The following ASIC2 variants were observed in gnomAD, a reference collection of about 807,000 sequenced individuals.
ASIC2 encodes acid-sensing ion channel 2.
Under a neutral mutation model 57.3 loss-of-function variants are expected in ASIC2, and 25 were observed. The observed-to-expected ratio is 0.44, with a 90% CI of 0.32 to 0.61. ASIC2 has a LOEUF of 0.61. Ranked by LOEUF, ASIC2 falls within the 20% of genes least tolerant of loss-of-function variation. The probability of loss-of-function intolerance (pLI) is 0.06; values close to 1 mark genes in which losing one functional copy is unlikely to be tolerated. For missense variants in ASIC2, 641 were observed against 738.1 expected, an observed-to-expected ratio of 0.87 and a Z score of 1.52; for synonymous variants, 319 against 307.5, an observed-to-expected ratio of 1.04 and a Z score of -0.39.
At chr17:33,981,670 AGAAG>A (rs759908001) in intron 1 of ASIC2, among the ~76,000 whole-genome samples, 41 of 150,194 alleles carry the variant, frequency 2.7e-4, no homozygotes, top group Admixed American at 2.0e-4. Context: ...AGGAGAAGAA[AGAAG>A]GAAGGAAGGA....
rs145245984 is a variant in ASIC2 at position 33,104,135 on chromosome 17, G to T, written c.859+7782C>A. Among the ~76,000 whole-genome samples, 555 of 152,168 alleles carry T rather than the reference G, an allele frequency of 3.6e-3. 8 individuals carry two copies. Among genetic ancestry groups the T allele is most frequent in the African/African-American group, 0.013 (520 of 41,490 alleles). On this transcript the variant is annotated intron_variant, in intron 2 of 9. Transcript: ENST00000225823. ...TCTACTTTACATCTTCCAAAAATTG[G>T]CTGGCATCTATTTACGGTTGTCTTT... is the stretch of plus-strand genomic sequence containing the variant.
At chr17:33,290,301 G>C (rs1314489209) in intron 1 of ASIC2, among the ~76,000 whole-genome samples, 2 of 152,216 alleles carry the variant, frequency 1.3e-5, no homozygotes, top group African/African-American at 2.4e-5. Flanking sequence ...TCAGAAATGA[G>C]GATCTCAGGA....
At chr17:33,166,422 C>T (rs1214590015) in intron 1 of ASIC2, among the ~76,000 whole-genome samples, 1 of 152,196 alleles carries the variant, frequency 6.6e-6, no homozygotes, top group Non-Finnish European at 1.5e-5. Flanking sequence ...TTCCAAAGGA[C>T]AGTTGGGACC....
intron 1 of ASIC2, among the ~76,000 whole-genome samples, chr17:33,359,247 A>G (rs765288224): frequency 1.3e-5 from 2 of 152,202 alleles, no homozygotes; most frequent in Non-Finnish European, 2.9e-5. Flanking sequence ...AACACAAATT[A>G]ATCTCTGAGA....
chr17:33,895,149 T>C (rs996952224), intron 1 of ASIC2, among the ~76,000 whole-genome samples: 6 of 143,228 alleles, frequency 4.2e-5, no homozygotes, highest in East Asian at 2.2e-4. Context: ...GTGGCAAGCA[T>C]TGAAGTTTTT....
At chr17:33,184,845 A>C (rs1906126745) in intron 1 of ASIC2, among the ~76,000 whole-genome samples, 1 of 152,206 alleles carries the variant, frequency 6.6e-6, no homozygotes, top group African/African-American at 2.4e-5. Context: ...TCCAGAACTT[A>C]TCACCCCAGT....
At chr17:33,593,562 C>G (rs558602442) in intron 1 of ASIC2, among the ~76,000 whole-genome samples, 1 of 152,252 alleles carries the variant, frequency 6.6e-6, no homozygotes, top group South Asian at 2.1e-4. Flanking sequence ...CAGGTTTTCT[C>G]TCTGGGCCTT....
chr17:33,981,345 C>T (rs1030572825), intron 1 of ASIC2, among the ~76,000 whole-genome samples: 2 of 152,292 alleles, frequency 1.3e-5, no homozygotes, highest in East Asian at 1.9e-4. Context: ...GTGACACAGG[C>T]TTAAACTCTG....
At chr17:34,099,354 A>G (rs58272156) in intron 1 of ASIC2, among the ~76,000 whole-genome samples, 1,766 of 147,664 alleles carry the variant, frequency 0.012, 31 homozygotes, top group East Asian at 0.05. Context: ...GAGGGAGGAA[A>G]GAAGGAAGGA....
intron 1 of ASIC2, among the ~76,000 whole-genome samples, chr17:33,265,494 A>C (rs188649145): frequency 6.6e-6 from 1 of 152,182 alleles, no homozygotes; most frequent in African/African-American, 2.4e-5. Context: ...AACAACACAC[A>C]CTGGGGCCTG....
intron 1 of ASIC2, among the ~76,000 whole-genome samples, chr17:33,726,217 G>A (rs998361607): frequency 6.6e-5 from 10 of 152,186 alleles, no homozygotes; most frequent in African/African-American, 1.9e-4. Flanking sequence ...TAGAGAGGAA[G>A]AGAAAGAGAT....
At chr17:34,095,686 TATA>T (rs1160467819) in intron 1 of ASIC2, among the ~76,000 whole-genome samples, 2 of 143,634 alleles carry the variant, frequency 1.4e-5, no homozygotes, top group South Asian at 2.1e-4. Flanking sequence ...GAGAGATATA[TATA>T]ATTTTATATA....
chr17:33,441,334 G>GT (rs1911816610), intron 1 of ASIC2, among the ~76,000 whole-genome samples: 1 of 152,056 alleles, frequency 6.6e-6, no homozygotes, highest in Non-Finnish European at 1.5e-5. Flanking sequence ...CAATTTATCA[G>GT]TTTTTTCTTT....
chr17:33,228,958 C>G (rs1907987300), intron 1 of ASIC2, among the ~76,000 whole-genome samples: 1 of 152,140 alleles, frequency 6.6e-6, no homozygotes, highest in Non-Finnish European at 1.5e-5. Context: ...GGATCCTGAG[C>G]TGAGGTTGGG....
intron 1 of ASIC2, among the ~76,000 whole-genome samples, chr17:33,409,725 TTA>T (rs1409259972): frequency 6.6e-6 from 1 of 152,188 alleles, no homozygotes; most frequent in Non-Finnish European, 1.5e-5. Context: ...ACCATTTGTC[TTA>T]TGTGTGGGGG....
chr17:33,218,352 C>T (rs1356635986), intron 1 of ASIC2, among the ~76,000 whole-genome samples: 2 of 152,194 alleles, frequency 1.3e-5, no homozygotes, highest in African/African-American at 4.8e-5. Context: ...TTTGGGAAAG[C>T]CCTCTGACTG....
At chr17:33,387,122 A>G (rs1263388767) in intron 1 of ASIC2, among the ~76,000 whole-genome samples, 1 of 152,130 alleles carries the variant, frequency 6.6e-6, no homozygotes, top group Non-Finnish European at 1.5e-5. Context: ...TCCTGACCTC[A>G]AGTGATCCAT....
At chr17:33,408,068 C>T (rs1177502300) in intron 1 of ASIC2, among the ~76,000 whole-genome samples, 6 of 152,094 alleles carry the variant, frequency 3.9e-5, no homozygotes, top group Admixed American at 1.3e-4. Context: ...CACATGTACC[C>T]GACAGCCTTG....
chr17:33,241,780 A>G lies in ASIC2; in HGVS notation c.708+49628T>C, dbSNP rs116603322. 3.3e-3 allele frequency among the ~76,000 whole-genome samples: 501 copies of G among 152,304 alleles called. 4 individuals carry two copies. The highest frequency in any genetic ancestry group is 0.011 in the African/African-American group (464 of 41,544). On this transcript the variant is annotated intron_variant, in intron 1 of 9. Transcript: ENST00000225823. Reference sequence around the variant, plus strand: ...GCCAGTGGAGATATCTAAGGAATGCATGGCCCCTGTCCTCCTGGGCTTCAC... The same window carrying G: ...GCCAGTGGAGATATCTAAGGAATGCGTGGCCCCTGTCCTCCTGGGCTTCAC...
Sources: gnomAD v4.1 joint callset for allele counts (sites outside exome capture counted in the v4.1 genomes callset) on GRCh38, gnomAD v4.1.1 for gene constraint, MANE v1.5 for transcripts, NCBI Gene and HGNC (gene_info 2026-07-23, HGNC 2026-07-21) for gene names.